TMC7: variants seen among roughly 807,000 people sequenced by gnomAD.
TMC7 encodes transmembrane channel like 7.
In TMC7, 54 loss-of-function variants were observed where a neutral mutation model predicts 82.9. That is an observed-to-expected ratio of 0.65 (90% CI 0.52 to 0.82). The LOEUF (loss-of-function observed/expected upper bound fraction) is 0.82. Ranked by LOEUF, TMC7 falls within the 40% of genes least tolerant of loss-of-function variation. The pLI is 0.00. For missense variants in TMC7, 820 were observed against 901.2 expected, an observed-to-expected ratio of 0.91 and a Z score of 1.15; for synonymous variants, 350 against 337.9, an observed-to-expected ratio of 1.04 and a Z score of -0.39.
At chr16:19,039,664 T>A (rs1269671386) in intron 8 of TMC7, among the ~76,000 whole-genome samples, 2 of 152,154 alleles carry the variant, frequency 1.3e-5, no homozygotes, top group African/African-American at 2.4e-5. Context: ...GAATTGCTAT[T>A]TCAATTTCAA....
intron 1 of TMC7, among the ~76,000 whole-genome samples, chr16:18,998,874 G>A (rs2039092231): frequency 6.6e-6 from 1 of 152,122 alleles, no homozygotes; most frequent in Admixed American, 6.6e-5. Context: ...TAAAGCCTTA[G>A]ACCCAGCCAG....
At chr16:19,011,004 G>A (rs1415531678) in intron 2 of TMC7, among the ~76,000 whole-genome samples, 4 of 152,100 alleles carry the variant, frequency 2.6e-5, no homozygotes, top group Non-Finnish European at 5.9e-5. Flanking sequence ...TCAATCGGTG[G>A]GAAAATATTC....
At chr16:19,013,841 A>G (rs1205899200) in intron 2 of TMC7, among the ~76,000 whole-genome samples, 4 of 125,636 alleles carry the variant, frequency 3.2e-5, no homozygotes, top group South Asian at 5.2e-4. Context: ...TTTTAACCTT[A>G]GCACTCTTGC....
At chr16:18,987,177 G>T (rs1178097468) in intron 1 of TMC7, among the ~76,000 whole-genome samples, 2 of 152,074 alleles carry the variant, frequency 1.3e-5, no homozygotes, top group African/African-American at 2.4e-5. Context: ...CCTCTGGGGC[G>T]GTCTATCTGA....
At chr16:19,009,608 AG>A (rs2039301081) in intron 2 of TMC7, among the ~76,000 whole-genome samples, 193 bp downstream of exon 2, 1 of 151,970 alleles carries the variant, frequency 6.6e-6, no homozygotes, top group African/African-American at 2.4e-5. Context: ...GCCTTAAAAA[AG>A]AAAAAAAAAA....
chr16:19,027,972 T>C (rs908346894), intron 5 of TMC7, among the ~76,000 whole-genome samples: 3 of 152,136 alleles, frequency 2.0e-5, no homozygotes, highest in Non-Finnish European at 4.4e-5. Flanking sequence ...AACCCCATGG[T>C]TTACAGCCTA....
At chr16:19,056,852 C>A (rs1037838638) in intron 14 of TMC7, among the ~76,000 whole-genome samples, 155 bp downstream of exon 14, 1 of 152,036 alleles carries the variant, frequency 6.6e-6, no homozygotes, top group African/African-American at 2.4e-5. Flanking sequence ...AGGCCAGGCG[C>A]GGTGGCTCAT....
chr16:19,042,896 G>A (rs796552830), intron 9 of TMC7, among the ~76,000 whole-genome samples: 15 of 152,120 alleles, frequency 9.9e-5, no homozygotes, highest in African/African-American at 3.4e-4. Context: ...ACAGGCCCCC[G>A]CCACCATGCC....
At chr16:19,058,381 A>G (rs1178685006) in intron 14 of TMC7, among the ~76,000 whole-genome samples, 1 of 151,366 alleles carries the variant, frequency 6.6e-6, no homozygotes, top group African/African-American at 2.4e-5. Context: ...ACTCCGTCTC[A>G]AAAATAAATA....
intron 1 of TMC7, among the ~76,000 whole-genome samples, chr16:18,991,611 G>A (rs1050710080): frequency 5.9e-5 from 9 of 152,116 alleles, no homozygotes; most frequent in African/African-American, 2.2e-4. Flanking sequence ...TATACTTTAA[G>A]TTATAGGGTA....
At chr16:19,010,157 C>T (rs1044809677) in intron 2 of TMC7, among the ~76,000 whole-genome samples, 3 of 141,504 alleles carry the variant, frequency 2.1e-5, no homozygotes, top group Non-Finnish European at 3.1e-5. Context: ...CCCTCCCCTC[C>T]TCTCCTCTCC....
At chr16:19,059,348 T>C (rs1469587982) in intron 14 of TMC7, 68 bp from the exon 15 acceptor site, 6 of 1,573,998 alleles carry the variant, frequency 3.8e-6, no homozygotes, top group Middle Eastern at 2.3e-4. Flanking sequence ...AAAAATATGT[T>C]GGGTTATTTT....
intron 2 of TMC7, among the ~76,000 whole-genome samples, chr16:19,011,547 A>AAATAAATAAAAT (rs1233875729): frequency 6.7e-6 from 1 of 149,456 alleles, no homozygotes; most frequent in African/African-American, 2.5e-5. Context: ...ATAAATAAAT[A>AAATAAATAAAAT]AAATAATAAT....
At chr16:19,025,916 C>T (rs1232626874) in intron 5 of TMC7, among the ~76,000 whole-genome samples, 1 of 151,792 alleles carries the variant, frequency 6.6e-6, no homozygotes, top group African/African-American at 2.4e-5. Context: ...CCCCCATGCC[C>T]AGCTAATTTG....
At chr16:19,035,916 C>T (rs1316107157) in intron 7 of TMC7, 93 bp downstream of exon 7, 14 of 1,431,448 alleles carry the variant, frequency 9.8e-6, no homozygotes, top group African/African-American at 1.4e-5. Flanking sequence ...GATCAAGGGT[C>T]GGGGACAGGT....
At position 18,984,129 on chromosome 16, in the gene TMC7, A is replaced by G; in HGVS notation, c.66A>G (p.Pro22=). 6.7e-7 allele frequency: 1 copy of G among 1,499,198 alleles called. No homozygotes were observed. The highest frequency in any genetic ancestry group is 8.8e-7 in the Non-Finnish European group (1 of 1,132,048). The allele number at this position is 1,499,198 out of a possible 1,614,324, so 92.9% of individuals were successfully genotyped here. A position where few individuals can be genotyped will look rare whatever the true frequency, so the allele number is the denominator to read the frequency against. ...GRPSRQPAVH[P]ENLSLDSSCF... is the part of the protein sequence containing the mutation. ...CCAGCCGGCAGCCGGCGGTCCATCC[A>G]GGTAGGGCGGCAGGGAGCGCGCGCG... Residue 22 remains proline (P), a splice_region_variant and synonymous_variant, in exon 1 of 16, where the codon CCA becomes CCG. Coordinates refer to ENST00000304381, the MANE Select transcript of TMC7 (RefSeq NM_024847.4).
At position 19,044,947 on chromosome 16, in the gene TMC7, A is replaced by G; in HGVS notation, c.1401A>G (p.Thr467=). ...TGTTCACGCTGGGCTCCAAGATCAC[A>G]TCCTGTGATGATGACACATGTGACC... ...VLVFTLGSKI[T]SCDDDTCDLC... The change falls in exon 10 of 16, where the codon ACA becomes ACG. Residue 467 remains threonine, a synonymous_variant. Coordinates refer to ENST00000304381, the MANE Select transcript of TMC7 (RefSeq NM_024847.4). 6.2e-7 allele frequency: 1 copy of G among 1,613,880 alleles called. No individual in the cohort carries two copies. Among genetic ancestry groups the G allele is most frequent in the South Asian group, 1.1e-5 (1 of 91,076 alleles).
intron 13 of TMC7, among the ~76,000 whole-genome samples, chr16:19,054,955 G>A (rs759604173): frequency 3.0e-4 from 46 of 151,934 alleles, no homozygotes; most frequent in Middle Eastern, 3.4e-3. Flanking sequence ...GCCATATTGG[G>A]CAGGCTGCTC....
At chr16:18,996,494 A>G (rs1465583229) in intron 1 of TMC7, among the ~76,000 whole-genome samples, 1 of 152,230 alleles carries the variant, frequency 6.6e-6, no homozygotes, top group African/African-American at 2.4e-5. Flanking sequence ...CGAAAGTGCC[A>G]TTCTCTGGCC....
Sources: gnomAD v4.1 joint callset for allele counts (sites outside exome capture counted in the v4.1 genomes callset) on GRCh38, gnomAD v4.1.1 for gene constraint, MANE v1.5 for transcripts, NCBI Gene and HGNC (gene_info 2026-07-23, HGNC 2026-07-21) for gene names.